Variants in KIF26B observed in about 807,000 individuals in gnomAD.
KIF26B encodes kinesin-like protein KIF26B.
A neutral mutation model predicts 151.2 loss-of-function variants in KIF26B; 63 were observed. That is an observed-to-expected ratio of 0.42 (90% CI 0.34 to 0.51). The LOEUF is 0.51. Among genes scored for constraint, KIF26B ranks in the 20% least tolerant of loss-of-function variants. KIF26B has a pLI of 0.07. For synonymous variants in KIF26B, 1,357 were observed against 1,262.1 expected, an observed-to-expected ratio of 1.08 and a Z score of -1.59; for missense variants, 2,813 against 2,913.6, an observed-to-expected ratio of 0.97 and a Z score of 0.79.
At position 245,474,778 on chromosome 1, in the gene KIF26B, G is replaced by A. The variant is rs577366335; in HGVS notation, c.1166+55033G>A. On this transcript the variant is annotated intron_variant, in intron 4 of 14. Transcript: ENST00000407071. ...TGTACCCACTAAACAACTTCTCTTC[G>A]TCTCCCATCCCCGCTGCCCATCCCA... 4.1e-4 allele frequency among the ~76,000 whole-genome samples: 62 copies of A among 151,666 alleles called. 1 individual carries two copies. Among genetic ancestry groups the A allele is most frequent in the African/African-American group, 1.3e-3 (55 of 41,426 alleles).
At chr1:245,598,368 A>T (rs2043356144) in intron 5 of KIF26B, among the ~76,000 whole-genome samples, 1 of 152,042 alleles carries the variant, frequency 6.6e-6, no homozygotes, top group Non-Finnish European at 1.5e-5. Context: ...CTGCTGAGGG[A>T]TCCTTCCAGT....
intron 2 of KIF26B, among the ~76,000 whole-genome samples, chr1:245,226,968 C>T (rs1303495078): frequency 1.3e-5 from 2 of 152,198 alleles, no homozygotes; most frequent in African/African-American, 2.4e-5. Context: ...TCCAGTGCCA[C>T]GGTCCTGCTT....
intron 10 of KIF26B, among the ~76,000 whole-genome samples, chr1:245,681,923 A>C (rs1053188167): frequency 1.3e-5 from 2 of 152,234 alleles, no homozygotes; most frequent in African/African-American, 4.8e-5. Context: ...ACAGAAACCT[A>C]AACCATACGT....
intron 2 of KIF26B, among the ~76,000 whole-genome samples, chr1:245,303,449 C>G (rs12727577): frequency 6.6e-6 from 1 of 151,852 alleles, no homozygotes; most frequent in East Asian, 1.9e-4. Context: ...CCGCCCGCCT[C>G]GGCCTCCCAA....
At chr1:245,221,340 C>T (rs1488677859) in intron 2 of KIF26B, among the ~76,000 whole-genome samples, 1 of 149,114 alleles carries the variant, frequency 6.7e-6, no homozygotes, top group Non-Finnish European at 1.5e-5. Flanking sequence ...GCGTGGTGGC[C>T]CTTCAGTCAG....
intron 3 of KIF26B, among the ~76,000 whole-genome samples, chr1:245,418,054 C>T (rs929105770): frequency 1.4e-4 from 22 of 152,330 alleles, no homozygotes; most frequent in Admixed American, 7.2e-4. Flanking sequence ...GCATGATGCG[C>T]GCCCTGGAGC....
intron 9 of KIF26B, 113 bp downstream of exon 9, chr1:245,612,089 TGTGTGTGTGTGTGTGTGAGA>T (rs1191447291): frequency 4.8e-4 from 360 of 746,194 alleles, no homozygotes; most frequent in South Asian, 2.6e-3. Flanking sequence ...TGTGTGTGTG[TGTGTGTGTGTGTGTGTGAGA>T]GAGAGAGAGA....
At chr1:245,246,691 T>A (rs1181193496) in intron 2 of KIF26B, among the ~76,000 whole-genome samples, 4 of 152,152 alleles carry the variant, frequency 2.6e-5, no homozygotes, top group African/African-American at 9.7e-5. Flanking sequence ...TTGATGCCCA[T>A]GCCACAGAGT....
chr1:245,253,024 T>TA (rs1394492127), intron 2 of KIF26B, among the ~76,000 whole-genome samples: 1 of 150,996 alleles, frequency 6.6e-6, no homozygotes. Context: ...TTTTTTTTTT[T>TA]TTTGAGACGG....
At chr1:245,658,336 C>T (rs2044096979) in intron 10 of KIF26B, among the ~76,000 whole-genome samples, 1 of 152,194 alleles carries the variant, frequency 6.6e-6, no homozygotes, top group African/African-American at 2.4e-5. Flanking sequence ...GAACCTATTT[C>T]TGCTCTAATG....
chr1:245,513,223 C>T (rs770141380), intron 4 of KIF26B, among the ~76,000 whole-genome samples: 1 of 150,252 alleles, frequency 6.7e-6, no homozygotes, highest in Non-Finnish European at 1.5e-5. Flanking sequence ...CCCCCAACCC[C>T]GCCGCCCCCT....
At chr1:245,465,010 A>G (rs12354074) in intron 4 of KIF26B, among the ~76,000 whole-genome samples, 108,476 of 133,256 alleles carry the variant, frequency 0.81, 44,471 homozygotes, top group African/African-American at 0.89. Flanking sequence ...ACTGAGTCTC[A>G]CTCTGTCGCC....
intron 2 of KIF26B, among the ~76,000 whole-genome samples, chr1:245,298,697 C>A (rs1220762075): frequency 6.6e-6 from 1 of 152,224 alleles, no homozygotes; most frequent in East Asian, 1.9e-4. Context: ...GAATAGCTGA[C>A]AAGCTATGCT....
At chr1:245,533,924 G>A (rs550396020) in intron 4 of KIF26B, among the ~76,000 whole-genome samples, 1 of 151,282 alleles carries the variant, frequency 6.6e-6, no homozygotes, top group East Asian at 1.9e-4. Flanking sequence ...GGGTAGATCT[G>A]GCCAATGAGA....
At chr1:245,372,881 C>T (rs1489168512) in intron 3 of KIF26B, among the ~76,000 whole-genome samples, 1 of 152,170 alleles carries the variant, frequency 6.6e-6, no homozygotes, top group Non-Finnish European at 1.5e-5. Flanking sequence ...AACTATTAAA[C>T]CAGTTTAGTA....
intron 4 of KIF26B, among the ~76,000 whole-genome samples, chr1:245,490,116 G>A (rs1660372226): frequency 6.6e-6 from 1 of 152,106 alleles, no homozygotes; most frequent in Non-Finnish European, 1.5e-5. Flanking sequence ...CATCTTACTT[G>A]CCTGGCCTCT....
chr1:245,640,122 G>GCTCTCTCTCTGTCTCTCTCTCTCTCTCT (rs2043874398), intron 9 of KIF26B, among the ~76,000 whole-genome samples: 1 of 53,974 alleles, frequency 1.9e-5, no homozygotes, highest in Non-Finnish European at 3.6e-5. Context: ...ACTAATATTT[G>GCTCTCTCTCTGTCTCTCTCTCTCTCTCT]CTCTCTCTCT....
Position 245,607,776 on chromosome 1 carries a change from C to T in KIF26B, c.1651+32C>T, listed in dbSNP as rs149593134. 1.4e-4 allele frequency: 208 copies of T among 1,534,252 alleles called. No homozygotes were observed. The East Asian group carries it at 2.5e-3, about 18-fold the overall frequency. ...GAGAGTTTCACTTTCTCATGCGGCTCGTTGAGCTCCCTGTCATCCCATGCA... is the reference window on the plus strand; with the variant it reads ...GAGAGTTTCACTTTCTCATGCGGCTTGTTGAGCTCCCTGTCATCCCATGCA... On this transcript the variant is annotated intron_variant, in intron 7 of 14. Coordinates refer to ENST00000407071, the MANE Select transcript of KIF26B (RefSeq NM_018012.4).
intron 10 of KIF26B, among the ~76,000 whole-genome samples, chr1:245,661,607 A>T (rs1431775251): frequency 1.3e-5 from 2 of 150,804 alleles, no homozygotes; most frequent in African/African-American, 4.9e-5. Flanking sequence ...ACACCCAATG[A>T]TATATATATA....
Sources: allele counts gnomAD v4.1 joint callset (sites outside exome capture counted in the v4.1 genomes callset), GRCh38; gene constraint gnomAD v4.1.1; transcripts MANE v1.5; gene names NCBI Gene and HGNC (gene_info 2026-07-23, HGNC 2026-07-21).